Variants in LIX1 observed in about 807,000 individuals in gnomAD.
LIX1 encodes the protein protein limb expression 1 homolog.
In LIX1, 24 loss-of-function variants were observed where a neutral mutation model predicts 33.4. That is an observed-to-expected ratio of 0.72 (90% CI 0.52 to 1.01). The LOEUF is 1.01. LIX1 is among the 50% of genes least tolerant of loss of function. LIX1 has a pLI of 0.00. For synonymous variants in LIX1, 124 were observed against 124.0 expected (o/e 1.00, Z 0.00); for missense variants, 311 against 339.2 (o/e 0.92, Z 0.65).
chr5:97,100,771 G>A (rs1746651891), intron 4 of LIX1, among the ~76,000 whole-genome samples: 1 of 151,768 alleles, frequency 6.6e-6, no homozygotes, highest in African/African-American at 2.4e-5. Flanking sequence ...GAGAAGCTCT[G>A]TTACTCTAAA....
At chr5:97,139,936 C>T (rs1406066031) in intron 1 of LIX1, among the ~76,000 whole-genome samples, 2 of 152,216 alleles carry the variant, frequency 1.3e-5, no homozygotes, top group Non-Finnish European at 2.9e-5. Flanking sequence ...AGAGCTTCCT[C>T]ATCTGAGAAA....
chr5:97,128,924 G>T (rs940026496), intron 1 of LIX1, among the ~76,000 whole-genome samples: 1 of 152,058 alleles, frequency 6.6e-6, no homozygotes, highest in Admixed American at 6.5e-5. Flanking sequence ...TACTCCCACT[G>T]TTTCCGGGGT....
chr5:97,128,892 A>G (rs1747992177), intron 1 of LIX1, among the ~76,000 whole-genome samples: 1 of 152,134 alleles, frequency 6.6e-6, no homozygotes, highest in Admixed American at 6.5e-5. Context: ...TCCTGACTCC[A>G]ACCAGCCTCC....
chr5:97,141,276 C>G (rs1186208779), intron 1 of LIX1, among the ~76,000 whole-genome samples: 3 of 152,108 alleles, frequency 2.0e-5, no homozygotes, highest in Non-Finnish European at 4.4e-5. Context: ...TCTTTCCTCC[C>G]CTTTTCGCTT....
chr5:97,107,396 A>G lies in LIX1; in HGVS notation c.351T>C (p.Ile117=), dbSNP rs1168251867. ...CTACTGCTTCCTGAACACTTTCCAT[A>G]ATGAATTCCTTGGTGATCCTGCGAG... ...LPSRRITKEF[I]MESVQEAVAS... Residue 117 remains isoleucine (I), a synonymous_variant, in exon 3 of 6, where the codon ATT becomes ATC. Transcript: ENST00000274382. 4 of 1,612,478 alleles carry G rather than the reference A, an allele frequency of 2.5e-6. No individual in the cohort carries two copies. The highest frequency in any genetic ancestry group is 1.1e-5 in the South Asian group (1 of 90,996).
intron 4 of LIX1, 32 bp downstream of exon 4, chr5:97,105,158 A>G: frequency 6.4e-7 from 1 of 1,571,698 alleles, no homozygotes; most frequent in South Asian, 1.1e-5. Context: ...GGATTGGATA[A>G]TCAAACAAAT....
intron 4 of LIX1, 105 bp from the exon 5 acceptor site, chr5:97,096,992 A>G: frequency 1.1e-6 from 1 of 879,236 alleles, no homozygotes; most frequent in Admixed American, 1.9e-5. Flanking sequence ...GAAACAGAAT[A>G]CACAATATTG....
At chr5:97,106,060 T>C (rs143726563) in intron 3 of LIX1, among the ~76,000 whole-genome samples, 98 of 152,260 alleles carry the variant, frequency 6.4e-4, no homozygotes, top group Admixed American at 5.2e-3. Context: ...TGCTGAAATA[T>C]TTATGTTGGC....
chr5:97,121,571 G>T (rs1300804976), intron 2 of LIX1, among the ~76,000 whole-genome samples: 1 of 151,938 alleles, frequency 6.6e-6, no homozygotes, highest in African/African-American at 2.4e-5. Flanking sequence ...TATACTTATT[G>T]TTCTAATTTG....
chr5:97,106,758 A>C lies in LIX1; in HGVS notation c.387+602T>G, dbSNP rs115815256. 9.3e-3 allele frequency among the ~76,000 whole-genome samples: 1,419 copies of C among 152,336 alleles called. 28 individuals are homozygous for C. Among genetic ancestry groups the C allele is most frequent in the African/African-American group, 0.033 (1,357 of 41,566 alleles). On this transcript the variant is annotated intron_variant, in intron 3 of 5. Coordinates refer to ENST00000274382, the MANE Select transcript of LIX1 (RefSeq NM_153234.5). ...TTTAAGACAGGGTGTTTTGCTCTTAAAGCACTTTGCATTTAATTGTGTTAA... is the reference window on the plus strand; with the variant it reads ...TTTAAGACAGGGTGTTTTGCTCTTACAGCACTTTGCATTTAATTGTGTTAA...
chr5:97,134,392 T>G (rs978634038), intron 1 of LIX1, among the ~76,000 whole-genome samples: 3 of 152,236 alleles, frequency 2.0e-5, no homozygotes, highest in Admixed American at 1.3e-4. Context: ...AGGGCTGGGA[T>G]TATAGGCGTG....
chr5:97,121,628 G>C (rs993182470), intron 2 of LIX1, among the ~76,000 whole-genome samples: 1 of 152,032 alleles, frequency 6.6e-6, no homozygotes, highest in African/African-American at 2.4e-5. Context: ...CATTTTAATA[G>C]CTGTTTTAGA....
chr5:97,107,463 G>T lies in LIX1; in HGVS notation c.284C>A (p.Ala95Asp). ...LSRAEARRDA[A>D]KVALINSLFN... is the part of the protein sequence containing the mutation. ...GAGGGAGTTGATCAGGGCCACTTTA[G>T]CTGCATCCCGCCTGGCCTCGGCTCT... Residue 95 changes from alanine to aspartate, a missense_variant, in exon 3 of 6, where the codon GCT becomes GAT. Transcript: ENST00000274382. 1 of 1,613,686 alleles carries T rather than the reference G, an allele frequency of 6.2e-7. No homozygotes were observed. The highest frequency in any genetic ancestry group is 2.2e-5 in the East Asian group (1 of 44,896).
chr5:97,096,761 C>T (rs984386124), intron 5 of LIX1, 49 bp downstream of exon 5: 1 of 1,280,164 alleles, frequency 7.8e-7, no homozygotes, highest in Middle Eastern at 1.9e-4. Context: ...TGATAAGCCA[C>T]CTGCTGAGTT....
intron 1 of LIX1, among the ~76,000 whole-genome samples, chr5:97,134,693 G>A (rs955966325): frequency 9.2e-5 from 14 of 152,200 alleles, no homozygotes; most frequent in Non-Finnish European, 1.8e-4. Context: ...TGAAAAATGT[G>A]GTACCTTTGG....
chr5:97,118,652 AG>A (rs1396584239), intron 2 of LIX1, among the ~76,000 whole-genome samples: 2 of 152,246 alleles, frequency 1.3e-5, no homozygotes, highest in Admixed American at 1.3e-4. Flanking sequence ...CTTTTATAAA[AG>A]ATCCAATAAG....
At chr5:97,125,481 T>C (rs1000304939) in intron 1 of LIX1, among the ~76,000 whole-genome samples, 1 of 152,224 alleles carries the variant, frequency 6.6e-6, no homozygotes, top group African/African-American at 2.4e-5. Flanking sequence ...TCATCTGGCC[T>C]GTACCTGAAC....
At chr5:97,106,896 TC>T (rs1747068189) in intron 3 of LIX1, among the ~76,000 whole-genome samples, 1 of 152,224 alleles carries the variant, frequency 6.6e-6, no homozygotes, top group Non-Finnish European at 1.5e-5. Flanking sequence ...AGTCCATGTT[TC>T]CTTAAAAATG....
At chr5:97,096,917 C>T in intron 4 of LIX1, 30 bp from the exon 5 acceptor site, 2 of 1,561,758 alleles carry the variant, frequency 1.3e-6, no homozygotes, top group Non-Finnish European at 1.8e-6. Flanking sequence ...ATCATTGGTC[C>T]CAAAGCAGAA....
Sources: allele counts gnomAD v4.1 joint callset (sites outside exome capture counted in the v4.1 genomes callset), GRCh38; gene constraint gnomAD v4.1.1; transcripts MANE v1.5; gene names NCBI Gene and HGNC (gene_info 2026-07-23, HGNC 2026-07-21).